KL: variants seen among roughly 807,000 people sequenced by gnomAD.
The protein encoded by KL is alpha-klotho.
Under a neutral mutation model 84.2 loss-of-function variants are expected in KL, and 62 were observed. That is an observed-to-expected ratio of 0.74 (90% CI 0.60 to 0.91). The LOEUF is 0.91. Among genes scored for constraint, KL ranks in the 40% least tolerant of loss-of-function variants. The probability of loss-of-function intolerance (pLI) is 0.00; values close to 1 mark genes in which losing one functional copy is unlikely to be tolerated. For synonymous variants in KL, 528 were observed against 528.0 expected, an observed-to-expected ratio of 1.00 and a Z score of 0.00; for missense variants, 1,261 against 1,305.7, an observed-to-expected ratio of 0.97 and a Z score of 0.53.
At chr13:33,055,456 C>T (rs1871924760) in intron 3 of KL, 141 bp downstream of exon 3, 2 of 983,680 alleles carry the variant, frequency 2.0e-6, no homozygotes, top group East Asian at 5.1e-5. Context: ...ACTAAGGGCA[C>T]AATTTGGAAT....
chr13:33,060,934 T>G lies in KL; in HGVS notation c.1855T>G (p.Tyr619Asp). 1 of 1,612,742 alleles carries G rather than the reference T, an allele frequency of 6.2e-7. No individual in the cohort carries two copies. The highest frequency in any genetic ancestry group is 8.5e-7 in the Non-Finnish European group (1 of 1,178,798). The stretch of plus-strand genomic sequence containing the variant: ...GGTGAACCACACCATCCTGCAGTAC[T>G]ATCGCTGCATGGCCAGCGAGCTTGT... ...SQVNHTILQY[Y>D]RCMASELVRV... Residue 619 changes from tyrosine (Y) to aspartate (D), a missense_variant, in exon 4 of 5, where the codon TAT becomes GAT. Transcript: ENST00000380099.
At chr13:33,026,597 A>G (rs1337092934) in intron 1 of KL, among the ~76,000 whole-genome samples, 3 of 152,182 alleles carry the variant, frequency 2.0e-5, no homozygotes, top group East Asian at 1.9e-4. Flanking sequence ...TCTATGAACC[A>G]TCTTTATAAC....
intron 4 of KL, among the ~76,000 whole-genome samples, chr13:33,063,445 A>G (rs990050568): frequency 6.6e-5 from 10 of 152,234 alleles, no homozygotes; most frequent in South Asian, 4.2e-4. Context: ...CTGAAGTTGT[A>G]TTAAATGGTA....
intron 1 of KL, among the ~76,000 whole-genome samples, chr13:33,021,709 C>T (rs1010433085): frequency 6.6e-6 from 1 of 151,960 alleles, no homozygotes; most frequent in African/African-American, 2.4e-5. Context: ...ATGGTGAAAC[C>T]CCGTCTCTAC....
At chr13:33,032,442 T>C (rs1871005683) in intron 1 of KL, among the ~76,000 whole-genome samples, 3 of 152,126 alleles carry the variant, frequency 2.0e-5, no homozygotes, top group South Asian at 4.2e-4. Flanking sequence ...TGATCCGCGG[T>C]TGAGCCTGGC....
rs149083273 is a variant in KL at position 33,017,396 on chromosome 13, C to A, written c.819+137C>A. ...ACGTGTATGTGGTCACCGGGGGAAA[C>A]TGAGCAGTTCTGACTTCCCTTGGAA... On this transcript the variant is annotated intron_variant, in intron 1 of 4. Coordinates refer to ENST00000380099, the MANE Select transcript of KL (RefSeq NM_004795.4). The A allele has an allele frequency of 2.6e-4, 216 of 819,358 alleles. No individual in the cohort carries two copies. The African/African-American group carries it at 3.3e-3, about 12-fold the overall frequency. The allele number at this position is 819,358 out of a possible 1,614,324, so 50.8% of individuals were successfully genotyped here.
At chr13:33,062,151 G>A (rs1872233326) in intron 4 of KL, among the ~76,000 whole-genome samples, 1 of 152,194 alleles carries the variant, frequency 6.6e-6, no homozygotes, top group African/African-American at 2.4e-5. Flanking sequence ...GGCCAAGGCA[G>A]GAGGATTGCT....
At chr13:33,033,105 G>A (rs1871031992) in intron 1 of KL, among the ~76,000 whole-genome samples, 2 of 152,078 alleles carry the variant, frequency 1.3e-5, no homozygotes, top group Admixed American at 6.5e-5. Context: ...AACTCAAATA[G>A]CAGTCCTGAA....
At chr13:33,028,582 G>A (rs1450689787) in intron 1 of KL, among the ~76,000 whole-genome samples, 1 of 152,122 alleles carries the variant, frequency 6.6e-6, no homozygotes, top group African/African-American at 2.4e-5. Context: ...CAGAATGGGG[G>A]AGATTCCAGA....
At chr13:33,042,555 A>G (rs1871374632) in intron 1 of KL, among the ~76,000 whole-genome samples, 1 of 152,232 alleles carries the variant, frequency 6.6e-6, no homozygotes, top group Non-Finnish European at 1.5e-5. Context: ...CTAGAAGAGT[A>G]GTTCACTCTT....
intron 1 of KL, among the ~76,000 whole-genome samples, chr13:33,044,471 C>T: frequency 6.6e-6 from 1 of 152,022 alleles, no homozygotes; most frequent in East Asian, 1.9e-4. Flanking sequence ...TCTTTATTTA[C>T]ATATTCTTTA....
At chr13:33,053,414 C>A (rs1001170630) in intron 1 of KL, among the ~76,000 whole-genome samples, 4 of 152,136 alleles carry the variant, frequency 2.6e-5, no homozygotes, top group African/African-American at 9.7e-5. Context: ...TTTCATGAAA[C>A]CCGTAAATTA....
intron 1 of KL, among the ~76,000 whole-genome samples, chr13:33,046,475 A>C (rs1871532857): frequency 1.3e-5 from 2 of 152,172 alleles, no homozygotes; most frequent in African/African-American, 4.8e-5. Context: ...TGATATACAG[A>C]AAAGGTCAGT....
At chr13:33,029,039 A>T (rs1430746736) in intron 1 of KL, among the ~76,000 whole-genome samples, 2 of 152,194 alleles carry the variant, frequency 1.3e-5, no homozygotes, top group Admixed American at 1.3e-4. Context: ...AGGACAGGGA[A>T]CTGTGATTTT....
At chr13:33,056,924 C>T (rs1433289385) in intron 3 of KL, among the ~76,000 whole-genome samples, 5 of 152,310 alleles carry the variant, frequency 3.3e-5, no homozygotes, top group East Asian at 1.9e-4. Context: ...CCGACTCTCT[C>T]CTTCTCTCCC....
intron 3 of KL, among the ~76,000 whole-genome samples, chr13:33,057,118 G>C (rs1593809451): frequency 6.6e-6 from 1 of 152,104 alleles, no homozygotes; most frequent in Admixed American, 6.5e-5. Flanking sequence ...GGGATAGATC[G>C]GATGGTCCCT....
intron 1 of KL, among the ~76,000 whole-genome samples, chr13:33,034,575 G>A (rs1871091504): frequency 6.6e-6 from 1 of 151,414 alleles, no homozygotes; most frequent in South Asian, 2.1e-4. Flanking sequence ...TCTCCTCTCC[G>A]TGGCACCCCA....
chr13:33,059,567 G>A (rs1005145608), intron 3 of KL, among the ~76,000 whole-genome samples: 3 of 151,966 alleles, frequency 2.0e-5, no homozygotes, highest in Non-Finnish European at 4.4e-5. Flanking sequence ...CTGCCTCCCG[G>A]GTTCAAGTGA....
At chr13:33,062,780 G>T (rs1843697525) in intron 4 of KL, among the ~76,000 whole-genome samples, 1 of 150,596 alleles carries the variant, frequency 6.6e-6, no homozygotes, top group African/African-American at 2.4e-5. Context: ...TCTCTGTGTA[G>T]TAAATCAATC....
Sources: gnomAD v4.1 joint callset for allele counts (sites outside exome capture counted in the v4.1 genomes callset) on GRCh38, gnomAD v4.1.1 for gene constraint, MANE v1.5 for transcripts, NCBI Gene and HGNC (gene_info 2026-07-23, HGNC 2026-07-21) for gene names.